The following VDAC1 variants were observed in gnomAD, a reference collection of about 807,000 sequenced individuals.
VDAC1 encodes the protein voltage dependent anion channel 1.
VDAC1 carries 10 observed loss-of-function variants against 34.7 expected under a neutral mutation model. The ratio of observed to expected loss-of-function variants is 0.29; its 90% CI spans 0.18 to 0.49. The LOEUF is 0.49. Among genes scored for constraint, VDAC1 ranks in the 20% least tolerant of loss-of-function variants. The pLI, the probability that VDAC1 is intolerant of heterozygous loss-of-function variation, is 0.99. For missense variants in VDAC1, 230 were observed against 347.9 expected (o/e 0.66, Z 2.69); for synonymous variants, 130 against 136.0 (o/e 0.96, Z 0.30).
upstream of VDAC1, among the ~76,000 whole-genome samples, chr5:134,008,329 C>A (rs78612804): frequency 1.3e-5 from 2 of 151,936 alleles, no homozygotes; most frequent in Non-Finnish European, 2.9e-5. Flanking sequence ...CCTGAGCCAA[C>A]GGCCTCCTGT....
At chr5:134,077,621 T>C in the VDAC1 span, among the ~76,000 whole-genome samples, 1 of 152,232 alleles carries the variant, frequency 6.6e-6, no homozygotes, top group African/African-American at 2.4e-5. Flanking sequence ...AAGAGCTTAA[T>C]GCATACTCGC....
the VDAC1 span, among the ~76,000 whole-genome samples, chr5:134,044,209 G>C: frequency 1.3e-4 from 20 of 152,320 alleles, no homozygotes; most frequent in South Asian, 4.1e-3. Flanking sequence ...TCCAAGGTAG[G>C]TTATGATTGG....
At chr5:134,042,307 T>C in the VDAC1 span, among the ~76,000 whole-genome samples, 1 of 152,230 alleles carries the variant, frequency 6.6e-6, no homozygotes, top group East Asian at 1.9e-4. Context: ...CTGGACCTCC[T>C]TCCTCACCAT....
the VDAC1 span, among the ~76,000 whole-genome samples, chr5:134,018,787 C>T: frequency 1.1e-4 from 16 of 152,314 alleles, no homozygotes; most frequent in East Asian, 3.1e-3. Context: ...TTGAGTCAAG[C>T]ATGCTCAGCT....
At chr5:134,093,542 C>T in the VDAC1 span, among the ~76,000 whole-genome samples, 2 of 152,198 alleles carry the variant, frequency 1.3e-5, no homozygotes, top group Admixed American at 6.5e-5. Context: ...CCATCTCTGG[C>T]CAAGCCCAAC....
the VDAC1 span, among the ~76,000 whole-genome samples, chr5:134,072,278 A>G: frequency 7.2e-5 from 11 of 152,154 alleles, no homozygotes; most frequent in Admixed American, 3.9e-4. Flanking sequence ...CCAGAGAGAG[A>G]GGGTACCCCA....
the VDAC1 span, among the ~76,000 whole-genome samples, chr5:134,111,020 A>C: frequency 6.6e-6 from 1 of 152,246 alleles, no homozygotes. Flanking sequence ...GGAATGCACC[A>C]GGCTGCTGTT....
the VDAC1 span, among the ~76,000 whole-genome samples, chr5:134,023,479 G>GT: frequency 1.9e-5 from 1 of 53,250 alleles, no homozygotes; most frequent in Non-Finnish European, 4.3e-5. Context: ...AGAACTTAAA[G>GT]TAAAAAAAAA....
At chr5:134,080,066 G>A in the VDAC1 span, among the ~76,000 whole-genome samples, 1 of 152,216 alleles carries the variant, frequency 6.6e-6, no homozygotes. Flanking sequence ...CGGCCAGTGG[G>A]TGCTGCATAG....
At chr5:134,022,889 G>A in the VDAC1 span, among the ~76,000 whole-genome samples, 1 of 152,192 alleles carries the variant, frequency 6.6e-6, no homozygotes, top group African/African-American at 2.4e-5. Flanking sequence ...GTGTAAATTA[G>A]TTCAACCATT....
At chr5:134,041,399 G>A in the VDAC1 span, among the ~76,000 whole-genome samples, 1 of 152,210 alleles carries the variant, frequency 6.6e-6, no homozygotes, top group Admixed American at 6.5e-5. Flanking sequence ...AGCAGTGTAG[G>A]GGCCTCTGCT....
the VDAC1 span, among the ~76,000 whole-genome samples, chr5:134,097,031 C>G: frequency 2.6e-5 from 4 of 152,348 alleles, no homozygotes; most frequent in African/African-American, 4.8e-5. Context: ...CACATCCCTA[C>G]CAGCGTCTCC....
chr5:133,980,653 A>AAAAAC, intron 6 of VDAC1, 76 bp downstream of exon 6: 9 of 953,188 alleles, frequency 9.4e-6, no homozygotes, highest in Admixed American at 3.0e-5. Context: ...AAAAAAAAAA[A>AAAAAC]CAGTGAAAAG....
At chr5:134,080,592 C>T in the VDAC1 span, among the ~76,000 whole-genome samples, 74 of 152,354 alleles carry the variant, frequency 4.9e-4, no homozygotes, top group African/African-American at 1.7e-3. Context: ...CGCGGAGGTA[C>T]AGTATCATGG....
At chr5:134,047,431 A>G in the VDAC1 span, among the ~76,000 whole-genome samples, 1 of 152,104 alleles carries the variant, frequency 6.6e-6, no homozygotes, top group Admixed American at 6.5e-5. Context: ...AGGCTTCCAG[A>G]GCCCAAGCCG....
the VDAC1 span, among the ~76,000 whole-genome samples, chr5:134,011,930 A>G: frequency 1.3e-5 from 2 of 152,060 alleles, no homozygotes; most frequent in Non-Finnish European, 2.9e-5. Flanking sequence ...ATGAGCCACC[A>G]TGCCCGGCCT....
chr5:134,016,213 A>G, the VDAC1 span, among the ~76,000 whole-genome samples: 1 of 152,174 alleles, frequency 6.6e-6, no homozygotes, highest in East Asian at 1.9e-4. Context: ...GTAAGTGCAG[A>G]TCTCATTATT....
the VDAC1 span, among the ~76,000 whole-genome samples, chr5:134,086,527 A>T: frequency 1.3e-5 from 2 of 152,202 alleles, no homozygotes; most frequent in East Asian, 3.8e-4. Flanking sequence ...AGGAAAACAG[A>T]TGGGCATGAA....
the VDAC1 span, among the ~76,000 whole-genome samples, chr5:134,100,151 G>T: frequency 6.6e-6 from 1 of 152,238 alleles, no homozygotes; most frequent in Non-Finnish European, 1.5e-5. Flanking sequence ...AGGAGTGGAG[G>T]CCCCTCAGGG....
Sources: allele counts gnomAD v4.1 joint callset (sites outside exome capture counted in the v4.1 genomes callset), GRCh38; gene constraint gnomAD v4.1.1; transcripts MANE v1.5; gene names NCBI Gene and HGNC (gene_info 2026-07-23, HGNC 2026-07-21).